The following PRKG1 variants were observed in gnomAD, a reference collection of about 807,000 sequenced individuals.
The protein encoded by PRKG1 is protein kinase cGMP-dependent 1.
Under a neutral mutation model 88.1 loss-of-function variants are expected in PRKG1, and 35 were observed. The ratio of observed to expected loss-of-function variants is 0.40; its 90% CI spans 0.30 to 0.53. The LOEUF (loss-of-function observed/expected upper bound fraction) is 0.53, where lower values mean the gene tolerates loss of function less well. Among genes scored for constraint, PRKG1 ranks in the 20% least tolerant of loss-of-function variants. PRKG1 has a pLI of 0.59. For missense variants in PRKG1, 540 were observed against 839.8 expected (o/e 0.64, Z 4.41); for synonymous variants, 303 against 292.5 (o/e 1.04, Z -0.37).
chr10:51,654,721 A>G (rs897671233), intron 3 of PRKG1, among the ~76,000 whole-genome samples: 1 of 152,152 alleles, frequency 6.6e-6, no homozygotes, highest in Admixed American at 6.5e-5. Context: ...TTATATTTTT[A>G]AAAGTTAATA....
intron 7 of PRKG1, among the ~76,000 whole-genome samples, chr10:52,076,245 C>A (rs568245758): frequency 6.6e-5 from 10 of 152,028 alleles, no homozygotes; most frequent in Non-Finnish European, 1.5e-4. Context: ...ATTTTTACAT[C>A]AAAACATAAT....
intron 3 of PRKG1, among the ~76,000 whole-genome samples, chr10:51,729,232 A>G (rs1842212074): frequency 6.6e-6 from 1 of 152,220 alleles, no homozygotes; most frequent in Non-Finnish European, 1.5e-5. Flanking sequence ...TGTATTTCAC[A>G]TACTCATTCT....
intron 4 of PRKG1, among the ~76,000 whole-genome samples, chr10:51,818,800 G>A (rs1466127313): frequency 1.0e-5 from 1 of 100,456 alleles, no homozygotes; most frequent in Non-Finnish European, 1.8e-5. Context: ...GAGGTCAGGA[G>A]ATCGAGACCA....
At chr10:51,235,949 A>G (rs1038014449) in intron 2 of PRKG1, among the ~76,000 whole-genome samples, 1 of 152,176 alleles carries the variant, frequency 6.6e-6, no homozygotes, top group African/African-American at 2.4e-5. Flanking sequence ...CAAATTTTGA[A>G]TGTATCAGAA....
intron 9 of PRKG1, among the ~76,000 whole-genome samples, chr10:52,249,733 G>C (rs558685315): frequency 6.6e-6 from 1 of 152,224 alleles, no homozygotes; most frequent in African/African-American, 2.4e-5. Context: ...TGAGGCACGA[G>C]AATAGCTTGA....
intron 1 of PRKG1, among the ~76,000 whole-genome samples, chr10:51,104,142 A>G (rs933429906): frequency 5.3e-5 from 8 of 152,146 alleles, no homozygotes; most frequent in African/African-American, 1.7e-4. Flanking sequence ...TTTCTTCTAT[A>G]GTAGCAAGTA....
intron 9 of PRKG1, among the ~76,000 whole-genome samples, chr10:52,239,597 C>G (rs542754535): frequency 8.0e-4 from 112 of 140,174 alleles, no homozygotes; most frequent in Non-Finnish European, 1.3e-3. Context: ...TCATTTTACT[C>G]AATTATTTAC....
chr10:51,244,308 CTTTTTTTTT>C lies in PRKG1; in HGVS notation c.478+90987_478+90995del, dbSNP rs76339310. On this transcript the variant is annotated intron_variant, in intron 2 of 17. Transcript: ENST00000373980. ...GAGTGTAGGAATATTCCCTTTCTTC[CTTTTTTTTT>C]TTTTTTTTACCATTTATATTGTCAA... is the stretch of plus-strand genomic sequence containing the variant. 7.4e-4 allele frequency among the ~76,000 whole-genome samples: 101 copies of C among 136,648 alleles called. 3 individuals are homozygous for C. Among genetic ancestry groups the C allele is most frequent in the Non-Finnish European group, 1.1e-4 (7 of 63,196 alleles). The allele number at this position is 136,648 out of a possible 152,430, so 89.6% of individuals were successfully genotyped here. A position where few individuals can be genotyped will look rare whatever the true frequency, so the allele number is the denominator to read the frequency against.
chr10:51,939,556 T>C (rs1452814699), intron 5 of PRKG1, among the ~76,000 whole-genome samples: 4 of 151,834 alleles, frequency 2.6e-5, no homozygotes, highest in Admixed American at 2.6e-4. Flanking sequence ...GATCTCATTG[T>C]CAACTCTCTT....
chr10:51,945,554 T>A (rs1412498435), intron 5 of PRKG1, among the ~76,000 whole-genome samples: 1 of 151,984 alleles, frequency 6.6e-6, no homozygotes, highest in South Asian at 2.1e-4. Context: ...CTAGCCTCGA[T>A]GGTCTTTACA....
At chr10:51,275,405 A>G (rs1311609309) in intron 2 of PRKG1, among the ~76,000 whole-genome samples, 5 of 152,224 alleles carry the variant, frequency 3.3e-5, no homozygotes, top group Non-Finnish European at 7.3e-5. Context: ...GAAAGCAGTG[A>G]AATTGGGAAA....
intron 5 of PRKG1, among the ~76,000 whole-genome samples, chr10:51,998,803 G>C (rs1027422024): frequency 5.3e-5 from 8 of 152,040 alleles, no homozygotes. Flanking sequence ...TAAAATTCTT[G>C]ACTTTCCCTT....
intron 9 of PRKG1, among the ~76,000 whole-genome samples, chr10:52,249,575 G>C (rs888585160): frequency 6.6e-6 from 1 of 152,108 alleles, no homozygotes; most frequent in South Asian, 2.1e-4. Context: ...GCCCCAAAAT[G>C]AGAATTTTGG....
chr10:52,133,217 T>C (rs1329183386), intron 7 of PRKG1, among the ~76,000 whole-genome samples: 1 of 152,116 alleles, frequency 6.6e-6, no homozygotes, highest in Non-Finnish European at 1.5e-5. Context: ...GATTGATAGA[T>C]ACGAATGCAG....
intron 16 of PRKG1, 21 bp from the exon 17 acceptor site, chr10:52,290,203 C>T (rs1360077068): frequency 1.9e-6 from 3 of 1,607,610 alleles, no homozygotes; most frequent in Non-Finnish European, 2.6e-6. Flanking sequence ...ATGTTTTTAT[C>T]AACGTTTTTT....
intron 5 of PRKG1, among the ~76,000 whole-genome samples, chr10:51,953,248 T>C (rs1035794841): frequency 5.3e-5 from 8 of 152,166 alleles, no homozygotes; most frequent in Admixed American, 5.2e-4. Flanking sequence ...GAAAATAATA[T>C]AAAAGTGGTT....
At chr10:51,397,455 C>T (rs1564476341) in intron 2 of PRKG1, among the ~76,000 whole-genome samples, 1 of 152,130 alleles carries the variant, frequency 6.6e-6, no homozygotes, top group Admixed American at 6.5e-5. Flanking sequence ...TGCTGCGTCT[C>T]GAGGGCACTT....
At chr10:52,163,459 C>T (rs936000113) in intron 9 of PRKG1, among the ~76,000 whole-genome samples, 1 of 151,654 alleles carries the variant, frequency 6.6e-6, no homozygotes. Flanking sequence ...AGTTAAGCAA[C>T]TATTAATTAA....
At chr10:51,242,461 C>A (rs994820960) in intron 2 of PRKG1, among the ~76,000 whole-genome samples, 1 of 152,136 alleles carries the variant, frequency 6.6e-6, no homozygotes, top group Non-Finnish European at 1.5e-5. Context: ...AAATTTTAAA[C>A]CACTACATTG....
Sources: gnomAD v4.1 joint callset for allele counts (sites outside exome capture counted in the v4.1 genomes callset) on GRCh38, gnomAD v4.1.1 for gene constraint, MANE v1.5 for transcripts, NCBI Gene and HGNC (gene_info 2026-07-23, HGNC 2026-07-21) for gene names.